Variants in SGCD observed in about 807,000 individuals in gnomAD.
The protein encoded by SGCD is sarcoglycan delta.
In SGCD, 18 loss-of-function variants were observed where a neutral mutation model predicts 36.6. That is an observed-to-expected ratio of 0.49 (90% CI 0.34 to 0.73). SGCD has a LOEUF of 0.73. Ranked by LOEUF, SGCD falls within the 30% of genes least tolerant of loss-of-function variation. The pLI is 0.01. For missense variants in SGCD, 387 were observed against 346.7 expected, an observed-to-expected ratio of 1.12 and a Z score of -0.92; for synonymous variants, 133 against 130.6, an observed-to-expected ratio of 1.02 and a Z score of -0.12.
chr5:156,075,136 A>G (rs907886201), intron 1 of SGCD, among the ~76,000 whole-genome samples: 1 of 152,192 alleles, frequency 6.6e-6, no homozygotes, highest in Non-Finnish European at 1.5e-5. Flanking sequence ...GTATGTACAT[A>G]ATGCTTACAC....
rs369063269 is a variant in SGCD at position 156,237,347 on chromosome 5, G to A, written c.-43-92187G>A. 1.2e-4 allele frequency among the ~76,000 whole-genome samples: 18 copies of A among 152,160 alleles called. No homozygotes were observed. In the South Asian group the frequency reaches 3.1e-3, roughly 26 times the overall value. On this transcript the variant is annotated intron_variant, in intron 3 of 9. Transcript: ENST00000517913. ...TTATAAAACAAAGTGGGACATGGCC[G>A]GGTGTGGTGCCTCATGCCTGTAATC...
chr5:156,747,617 C>T lies in SGCD; in HGVS notation c.576-9964C>T, dbSNP rs184183691. Among the ~76,000 whole-genome samples the T allele has an allele frequency of 2.9e-3, 434 of 152,238 alleles. 2 individuals are homozygous for T. The highest frequency in any genetic ancestry group is 1.0e-2 in the African/African-American group (415 of 41,530). Reference sequence around the variant, plus strand: ...ACAGGGCAGCTATCAACATGGTAGCCGGCTTCCCTCAAATTGAAAGAGTGA... The same window carrying T: ...ACAGGGCAGCTATCAACATGGTAGCTGGCTTCCCTCAAATTGAAAGAGTGA... On this transcript the variant is annotated intron_variant, in intron 7 of 8. Coordinates refer to ENST00000337851, the MANE Select transcript of SGCD (RefSeq NM_000337.6).
At chr5:156,148,131 C>T (rs937425113) in intron 3 of SGCD, among the ~76,000 whole-genome samples, 11 of 152,108 alleles carry the variant, frequency 7.2e-5, no homozygotes, top group African/African-American at 2.4e-4. Flanking sequence ...GTGTGTCTTC[C>T]TTGAAGATGA....
upstream of SGCD, chr5:156,326,872 G>A (rs192662989): frequency 2.2e-4 from 33 of 152,556 alleles, 1 homozygote; most frequent in East Asian, 6.0e-3. Flanking sequence ...GTATGAGCCC[G>A]GCAGACACCA....
intron 3 of SGCD, among the ~76,000 whole-genome samples, chr5:156,276,996 A>G (rs1027068661): frequency 6.6e-6 from 1 of 152,212 alleles, no homozygotes; most frequent in Non-Finnish European, 1.5e-5. Context: ...AGAACTTTCT[A>G]AAGTTTCACA....
intron 7 of SGCD, among the ~76,000 whole-genome samples, chr5:156,679,796 G>A (rs899664464): frequency 2.6e-5 from 4 of 151,868 alleles, no homozygotes; most frequent in African/African-American, 4.8e-5. Context: ...TTTCTTCTCC[G>A]CTTTTTACTC....
intron 1 of SGCD, among the ~76,000 whole-genome samples, chr5:155,958,136 C>G (rs1757704500): frequency 6.6e-6 from 1 of 152,064 alleles, no homozygotes; most frequent in Non-Finnish European, 1.5e-5. Flanking sequence ...TGTCATCTGT[C>G]CTGCTTACCC....
chr5:156,633,564 T>C (rs1287288504), intron 6 of SGCD, among the ~76,000 whole-genome samples: 1 of 152,224 alleles, frequency 6.6e-6, no homozygotes, highest in Non-Finnish European at 1.5e-5. Context: ...GTGCTTCAGT[T>C]TCTGCTATAA....
At chr5:156,283,714 C>T (rs1037432443) in intron 3 of SGCD, among the ~76,000 whole-genome samples, 19 of 152,252 alleles carry the variant, frequency 1.2e-4, no homozygotes, top group Admixed American at 7.9e-4. Context: ...AACAAATTTC[C>T]GGACCCATTC....
At chr5:156,118,522 C>T (rs1162317870) in intron 2 of SGCD, among the ~76,000 whole-genome samples, 1 of 152,102 alleles carries the variant, frequency 6.6e-6, no homozygotes, top group Non-Finnish European at 1.5e-5. Context: ...ATTCTAAAAG[C>T]ACATCTACTT....
chr5:156,236,669 C>T (rs1010352426), intron 3 of SGCD, among the ~76,000 whole-genome samples: 68 of 151,866 alleles, frequency 4.5e-4, no homozygotes, highest in African/African-American at 1.6e-3. Flanking sequence ...AGGATGGTCT[C>T]GATCTCCTGA....
intron 3 of SGCD, among the ~76,000 whole-genome samples, chr5:156,213,691 C>A (rs1226496850): frequency 1.3e-5 from 2 of 151,882 alleles, no homozygotes; most frequent in Non-Finnish European, 2.9e-5. Context: ...GGACAGTATC[C>A]CTAATTAGGA....
At chr5:156,495,178 C>A (rs1756129267) in intron 3 of SGCD, among the ~76,000 whole-genome samples, 1 of 152,104 alleles carries the variant, frequency 6.6e-6, no homozygotes, top group South Asian at 2.1e-4. Context: ...AAGAGAACAG[C>A]AATAGATGTC....
intron 6 of SGCD, among the ~76,000 whole-genome samples, chr5:156,629,933 C>A (rs1382051139): frequency 1.4e-5 from 2 of 145,754 alleles, no homozygotes; most frequent in Non-Finnish European, 3.0e-5. Context: ...ACGATCTTGG[C>A]TCACTGCAAC....
the SGCD span, among the ~76,000 whole-genome samples, chr5:155,781,401 TG>T: frequency 6.6e-6 from 1 of 152,272 alleles, no homozygotes; most frequent in Non-Finnish European, 1.5e-5. Flanking sequence ...CGGAAATCTT[TG>T]GTATGATTCT....
intron 1 of SGCD, among the ~76,000 whole-genome samples, chr5:156,010,204 C>G (rs558948114): frequency 6.6e-6 from 1 of 152,144 alleles, no homozygotes; most frequent in South Asian, 2.1e-4. Flanking sequence ...AACTTTCGGC[C>G]TATTATAGAG....
chr5:156,082,517 T>G (rs750765487), intron 1 of SGCD, among the ~76,000 whole-genome samples: 2 of 152,238 alleles, frequency 1.3e-5, no homozygotes, highest in Non-Finnish European at 2.9e-5. Flanking sequence ...TAACTCCACA[T>G]AATCCTCTGC....
chr5:156,005,638 A>C (rs2127569204), intron 1 of SGCD, among the ~76,000 whole-genome samples: 1 of 152,104 alleles, frequency 6.6e-6, no homozygotes, highest in East Asian at 1.9e-4. Context: ...TTTTAGTAGA[A>C]ATGGGGTTTC....
At chr5:155,971,487 T>C (rs1295804427) in intron 1 of SGCD, among the ~76,000 whole-genome samples, 1 of 152,136 alleles carries the variant, frequency 6.6e-6, no homozygotes, top group Non-Finnish European at 1.5e-5. Context: ...CCTATTCTTT[T>C]AAGTATAATT....
Sources: gnomAD v4.1 joint callset for allele counts (sites outside exome capture counted in the v4.1 genomes callset) on GRCh38, gnomAD v4.1.1 for gene constraint, MANE v1.5 for transcripts, NCBI Gene and HGNC (gene_info 2026-07-23, HGNC 2026-07-21) for gene names.